NUP210L: variants seen among roughly 807,000 people sequenced by gnomAD.
The protein encoded by NUP210L is nuclear pore membrane glycoprotein 210-like.
In NUP210L, 74 loss-of-function variants were observed where a neutral mutation model predicts 208.5. That is an observed-to-expected ratio of 0.35 (90% CI 0.29 to 0.43). NUP210L has a LOEUF of 0.43. NUP210L is among the 20% of genes least tolerant of loss of function. The pLI, the probability that NUP210L is intolerant of heterozygous loss-of-function variation, is 1.00. For missense variants in NUP210L, 1,843 were observed against 2,289.4 expected (o/e 0.81, Z 3.98); for synonymous variants, 780 against 816.9 (o/e 0.95, Z 0.77).
At chr1:154,143,394 C>A in intron 3 of NUP210L, 52 bp downstream of exon 3, 1 of 1,554,854 alleles carries the variant, frequency 6.4e-7, no homozygotes, top group Admixed American at 1.9e-5. Flanking sequence ...TAAACATAAA[C>A]AGATATTACT....
chr1:154,023,098 A>G, intron 31 of NUP210L, 24 bp downstream of exon 31: 2 of 1,603,724 alleles, frequency 1.2e-6, no homozygotes, highest in East Asian at 2.2e-5. Flanking sequence ...CATAGTGTCA[A>G]TACCATTCCT....
chr1:154,082,663 C>T (rs1032805336), intron 16 of NUP210L, among the ~76,000 whole-genome samples: 8 of 152,168 alleles, frequency 5.3e-5, no homozygotes, highest in Non-Finnish European at 8.8e-5. Flanking sequence ...ACTCTGCTTC[C>T]GTAATTGGTT....
intron 27 of NUP210L, among the ~76,000 whole-genome samples, 171 bp from the exon 28 acceptor site, chr1:154,030,225 C>T (rs2147942547): frequency 6.6e-6 from 1 of 151,914 alleles, no homozygotes. Flanking sequence ...GTGTATACTG[C>T]TTGGGTGATG....
intron 32 of NUP210L, 56 bp downstream of exon 32, chr1:154,022,061 TAATAACTGC>T: frequency 7.3e-7 from 1 of 1,376,050 alleles, no homozygotes; most frequent in Admixed American, 1.7e-5. Flanking sequence ...CTTTTTTTTT[TAATAACTGC>T]TTTTTAATCC....
intron 27 of NUP210L, among the ~76,000 whole-genome samples, chr1:154,037,906 A>T (rs1571200214): frequency 6.6e-6 from 1 of 152,162 alleles, no homozygotes. Flanking sequence ...GGCATGAGCC[A>T]CCATGCCCAG....
Position 154,000,747 on chromosome 1 carries a change from G to T in NUP210L, c.5386+109C>A, listed in dbSNP as rs1339984910. The T allele has an allele frequency of 4.5e-6, 4 of 898,814 alleles. No individual in the cohort carries two copies. The African/African-American group carries it at 5.0e-5, about 11-fold the overall frequency. The allele number at this position is 898,814 out of a possible 1,614,324, so 55.7% of individuals were successfully genotyped here. ...TTTCATTTATTTTTGGACCGTGGTT[G>T]ACAGTTAAGTGAAATGCGGAAAGCA... On this transcript the variant is annotated intron_variant, in intron 37 of 39. Transcript: ENST00000368559.
intron 30 of NUP210L, 24 bp from the exon 31 acceptor site, chr1:154,023,321 T>C: frequency 6.3e-7 from 1 of 1,582,420 alleles, no homozygotes; most frequent in Non-Finnish European, 8.6e-7. Flanking sequence ...AACCTACTGG[T>C]ACAGAGAAAG....
intron 27 of NUP210L, among the ~76,000 whole-genome samples, chr1:154,036,863 A>T (rs1652586641): frequency 6.6e-6 from 1 of 151,886 alleles, no homozygotes; most frequent in South Asian, 2.1e-4. Flanking sequence ...CTTGGGGTCA[A>T]GCCATCCTCC....
At chr1:154,004,888 C>G (rs1650424752) in intron 35 of NUP210L, among the ~76,000 whole-genome samples, 2 of 126,052 alleles carry the variant, frequency 1.6e-5, no homozygotes, top group East Asian at 2.7e-4. Context: ...GAATCTCACT[C>G]TATCGCCCAG....
intron 17 of NUP210L, among the ~76,000 whole-genome samples, chr1:154,065,431 G>T (rs1571230085): frequency 6.6e-6 from 1 of 152,000 alleles, no homozygotes; most frequent in African/African-American, 2.4e-5. Context: ...TAAAGAAAAA[G>T]AAATATATTT....
intron 35 of NUP210L, among the ~76,000 whole-genome samples, chr1:154,006,963 TA>T (rs1425014117): frequency 1.7e-5 from 2 of 118,102 alleles, no homozygotes; most frequent in African/African-American, 2.9e-5. Context: ...TATATATATA[TA>T]TATTTTTTTT....
intron 27 of NUP210L, among the ~76,000 whole-genome samples, chr1:154,041,310 TTTTG>T (rs950644211): frequency 6.6e-6 from 1 of 152,042 alleles, no homozygotes; most frequent in Non-Finnish European, 1.5e-5. Flanking sequence ...TCTGAACCAA[TTTTG>T]TTTGTTTATG....
intron 15 of NUP210L, among the ~76,000 whole-genome samples, chr1:154,090,507 A>T (rs977124788): frequency 6.6e-6 from 1 of 152,172 alleles, no homozygotes; most frequent in Non-Finnish European, 1.5e-5. Flanking sequence ...ATAGTAAAAG[A>T]CTGATTCAAA....
At chr1:154,083,102 C>T (rs1655434362) in intron 16 of NUP210L, among the ~76,000 whole-genome samples, 2 of 152,220 alleles carry the variant, frequency 1.3e-5, no homozygotes, top group South Asian at 2.1e-4. Context: ...ACAAATATTC[C>T]GCAGCACAGA....
At chr1:154,118,698 C>T (rs1657456556) in exon 11 of NUP210L, 9 of 1,604,392 alleles carry the variant, frequency 5.6e-6, no homozygotes, top group Non-Finnish European at 6.8e-6. Context: ...ATAACATTCC[C>T]ATAGGATGAT....
chr1:154,083,059 G>A (rs1192456435), intron 16 of NUP210L, among the ~76,000 whole-genome samples: 1 of 152,228 alleles, frequency 6.6e-6, no homozygotes, highest in Non-Finnish European at 1.5e-5. Context: ...CAAAGAGTAA[G>A]AAGCAGCAAG....
At position 154,144,075 on chromosome 1, in the gene NUP210L, G is replaced by A. The variant is rs934656995; in HGVS notation, c.341-498C>T. 3.9e-5 allele frequency among the ~76,000 whole-genome samples: 6 copies of A among 152,006 alleles called. No homozygotes were observed. In the South Asian group the frequency reaches 6.2e-4, roughly 16 times the overall value. On this transcript the variant is annotated intron_variant, in intron 2 of 39. Coordinates refer to ENST00000368559, the Ensembl canonical transcript of NUP210L. ...CGGGCACCTGTAGTCCCAGCTACTC[G>A]GAAGGTTGAGGCAGGAGAAGGTGTG...
chr1:154,149,375 C>T (rs1225674761), intron 2 of NUP210L, among the ~76,000 whole-genome samples: 1 of 152,060 alleles, frequency 6.6e-6, no homozygotes, highest in Admixed American at 6.6e-5. Context: ...CGTGAGCCAC[C>T]GTGCCCAGCC....
chr1:154,106,612 C>T (rs920277533), intron 12 of NUP210L, among the ~76,000 whole-genome samples: 4 of 152,220 alleles, frequency 2.6e-5, no homozygotes, highest in African/African-American at 7.2e-5. Flanking sequence ...GTGGTGGCCA[C>T]AGAGGGGCTT....
Sources: allele counts gnomAD v4.1 joint callset (sites outside exome capture counted in the v4.1 genomes callset), GRCh38; gene constraint gnomAD v4.1.1; transcripts MANE v1.5; gene names NCBI Gene and HGNC (gene_info 2026-07-23, HGNC 2026-07-21).